The following POLI variants were observed in gnomAD, a reference collection of about 807,000 sequenced individuals.
POLI encodes RAD30 homolog B.
Under a neutral mutation model 51.6 loss-of-function variants are expected in POLI, and 58 were observed. The ratio of observed to expected loss-of-function variants is 1.12; its 90% CI spans 0.91 to 1.40. POLI has a LOEUF of 1.40. Ranked by LOEUF, POLI falls within the 40% of genes most tolerant of loss-of-function variation. The pLI is 0.00. For missense variants in POLI, 921 were observed against 871.3 expected (o/e 1.06, Z -0.72); for synonymous variants, 322 against 299.7 (o/e 1.07, Z -0.77).
At position 54,314,057 on chromosome 18, in the gene POLI, C is replaced by T. The variant is rs376539044; in HGVS notation, c.334-6216C>T. Among the ~76,000 whole-genome samples, 18 of 152,200 alleles carry T rather than the reference C, an allele frequency of 1.2e-4. No homozygotes were observed. In the East Asian group the frequency reaches 2.5e-3, roughly 21 times the overall value. Reference sequence around the variant, plus strand: ...TCAAAGGGAATGCGTCCAGCTTTTGCCCATTCAGTATAATGTTGGCTGTGT... The same window carrying T: ...TCAAAGGGAATGCGTCCAGCTTTTGTCCATTCAGTATAATGTTGGCTGTGT... On this transcript the variant is annotated intron_variant, in intron 3 of 4. Transcript: ENST00000579823.
rs778762382 is a variant in POLI at position 54,294,427 on chromosome 18, G to A, written c.2183G>A (p.Trp728Ter). ...EAVQKELLAE[W>*]KRAGSDFHIG... ...GTACAAAAGGAACTGCTGGCAGAGT[G>A]GAAGAGAGCAGGATCAGATTTCCAC... Residue 728 changes from tryptophan to a stop codon, truncating the protein, a stop_gained, in exon 10 of 10, where the codon TGG (tryptophan) becomes TAG (stop). Transcript: ENST00000579534. LOFTEE classifies it high-confidence loss of function. The A allele has an allele frequency of 4.3e-6, 7 of 1,610,316 alleles. No homozygotes were observed. The highest frequency in any genetic ancestry group is 3.4e-5 in the Admixed American group (2 of 59,338).
intron 3 of POLI, among the ~76,000 whole-genome samples, chr18:54,309,946 T>C (rs1296900710): frequency 1.3e-5 from 2 of 152,196 alleles, no homozygotes; most frequent in Non-Finnish European, 2.9e-5. Flanking sequence ...ATTGGAAAAC[T>C]GCAATATTTG....
chr18:54,276,126 C>G (rs1004752485), intron 3 of POLI, among the ~76,000 whole-genome samples: 5 of 152,004 alleles, frequency 3.3e-5, no homozygotes, highest in Middle Eastern at 3.2e-3. Context: ...TGCCTGTAAT[C>G]CCAACACTTT....
downstream of POLI, chr18:54,298,362 C>T (rs1195635619): frequency 6.6e-6 from 1 of 152,214 alleles, no homozygotes; most frequent in Non-Finnish European, 1.5e-5. Context: ...CTCAAAGTCT[C>T]AACACCCTAA....
chr18:54,300,471 A>C (rs892559229), downstream of POLI, among the ~76,000 whole-genome samples: 1 of 152,130 alleles, frequency 6.6e-6, no homozygotes, highest in Non-Finnish European at 1.5e-5. Flanking sequence ...AGTTTTAATT[A>C]ATAAGCCAGT....
At chr18:54,298,872 C>T (rs141372013), downstream of POLI, among the ~76,000 whole-genome samples, 57 of 152,190 alleles carry the variant, frequency 3.7e-4, no homozygotes, top group African/African-American at 1.4e-3. Flanking sequence ...AGGTGTGAGT[C>T]ACCACCCCTG....
At chr18:54,271,600 A>C in intron 2 of POLI, 115 bp downstream of exon 2, 2 of 715,778 alleles carry the variant, frequency 2.8e-6, no homozygotes, top group Non-Finnish European at 4.4e-6. Context: ...AGCAGTTCTT[A>C]CAGTGCTTTA....
rs2088327472 is a variant in POLI, at chr18:54,296,343, T to C, written c.*1876T>C. 1.0e-6 allele frequency: 1 copy of C among 985,168 alleles called. No individual in the cohort carries two copies. The highest frequency in any genetic ancestry group is 4.7e-5 in the South Asian group (1 of 21,298). The allele number at this position is 985,168 out of a possible 1,614,324, so 61.0% of individuals were successfully genotyped here. A position where few individuals can be genotyped will look rare whatever the true frequency, so the allele number is the denominator to read the frequency against. On this transcript the variant is annotated 3_prime_UTR_variant, in exon 10 of 10. Coordinates refer to ENST00000579534, the MANE Select transcript of POLI (RefSeq NM_007195.3). ...TGTACGGGCTATGTCACAGTTACGC[T>C]ACTTATTTTGTGGTTTTAAGTTAGT...
chr18:54,284,038 G>A, intron 7 of POLI, 25 bp downstream of exon 7: 1 of 880,216 alleles, frequency 1.1e-6, no homozygotes, highest in South Asian at 1.6e-5. Flanking sequence ...ATTTTGCCAA[G>A]TCATCCTATG....
At chr18:54,307,217 G>A (rs1193363749) in intron 3 of POLI, among the ~76,000 whole-genome samples, 1 of 152,100 alleles carries the variant, frequency 6.6e-6, no homozygotes, top group African/African-American at 2.4e-5. Flanking sequence ...GCTTTCTCTT[G>A]TGGGCATTTA....
intron 3 of POLI, among the ~76,000 whole-genome samples, chr18:54,307,172 T>C (rs1203137962): frequency 2.0e-5 from 3 of 152,212 alleles, no homozygotes; most frequent in Non-Finnish European, 4.4e-5. Flanking sequence ...GTTCTTTTAA[T>C]TGTGATGTTA....
In POLI at chr18:54,269,538, A is replaced by C; in HGVS notation, c.-9A>C. The C allele has an allele frequency of 6.6e-7, 1 of 1,507,524 alleles. No homozygotes were observed. The highest frequency in any genetic ancestry group is 8.8e-7 in the Non-Finnish European group (1 of 1,132,338). 93.4% of individuals were successfully genotyped at this position (1,507,524 alleles called of 1,614,324 possible). A position where few individuals can be genotyped will look rare whatever the true frequency, so the allele number is the denominator to read the frequency against. ...GGCCGGAAGTAGCGCTGCGGTTGGC[A>C]GCGGCGGGATGGAGAAGCTGGGGGT... On this transcript the variant is annotated 5_prime_UTR_variant, in exon 1 of 10. Transcript: ENST00000579534.
downstream of POLI, among the ~76,000 whole-genome samples, chr18:54,300,960 A>C (rs1221734482): frequency 6.6e-6 from 1 of 152,174 alleles, no homozygotes; most frequent in African/African-American, 2.4e-5. Context: ...TAAAACTGCA[A>C]GGGGAAAAAT....
intron 3 of POLI, among the ~76,000 whole-genome samples, chr18:54,309,106 C>T (rs1428475775): frequency 6.6e-6 from 1 of 152,208 alleles, no homozygotes; most frequent in Non-Finnish European, 1.5e-5. Context: ...AGTCATTCTC[C>T]CTCCAGCTTT....
At chr18:54,288,650 C>G (rs551518018) in intron 8 of POLI, among the ~76,000 whole-genome samples, 1 of 149,960 alleles carries the variant, frequency 6.7e-6, no homozygotes, top group African/African-American at 2.4e-5. Flanking sequence ...TTTTTTTTTC[C>G]GTTTTTTCTT....
rs3730834 is a variant in POLI, at chr18:54,295,638, T to A, written c.*1171T>A. On this transcript the variant is annotated 3_prime_UTR_variant, in exon 10 of 10. Transcript: ENST00000579534. ...CTGAAATTTTCTTTTCTTTCTTTTT[T>A]TGTTTTGGAGACAGAGTCTCACTCT... 0.036 allele frequency: 22,135 copies of A among 623,328 alleles called. 4,359 individuals carry two copies. The African/African-American group carries it at 0.42, about 12-fold the overall frequency. The allele number at this position is 623,328 out of a possible 1,614,324, so 38.6% of individuals were successfully genotyped here. A position where few individuals can be genotyped will look rare whatever the true frequency, so the allele number is the denominator to read the frequency against.
At chr18:54,305,710 G>A (rs1167602281) in intron 3 of POLI, among the ~76,000 whole-genome samples, 1 of 151,286 alleles carries the variant, frequency 6.6e-6, no homozygotes. Flanking sequence ...TGCAAACAGG[G>A]ACAATTTGAC....
At chr18:54,315,475 G>C (rs1016541519) in intron 3 of POLI, among the ~76,000 whole-genome samples, 8 of 152,022 alleles carry the variant, frequency 5.3e-5, no homozygotes, top group Non-Finnish European at 1.2e-4. Context: ...ATGTCTATTA[G>C]GTCCAATTGG....
At chr18:54,312,121 TC>T (rs913161725) in intron 3 of POLI, among the ~76,000 whole-genome samples, 1 of 151,652 alleles carries the variant, frequency 6.6e-6, no homozygotes, top group Non-Finnish European at 1.5e-5. Context: ...TCCCTTATAT[TC>T]CCCCCCAGCG....
Sources: allele counts gnomAD v4.1 joint callset (sites outside exome capture counted in the v4.1 genomes callset), GRCh38; gene constraint gnomAD v4.1.1; transcripts MANE v1.5; gene names NCBI Gene and HGNC (gene_info 2026-07-23, HGNC 2026-07-21).